The following PPP1R9A variants were observed in gnomAD, a reference collection of about 807,000 sequenced individuals.
The protein encoded by PPP1R9A is protein phosphatase 1 regulatory subunit 9A.
PPP1R9A carries 59 observed loss-of-function variants against 141.9 expected under a neutral mutation model. The ratio of observed to expected loss-of-function variants is 0.42; its 90% confidence interval spans 0.34 to 0.52. The LOEUF is 0.52. PPP1R9A is among the 20% of genes least tolerant of loss of function. The pLI, the probability that PPP1R9A is intolerant of heterozygous loss-of-function variation, is 0.10. For synonymous variants in PPP1R9A, 500 were observed against 569.7 expected (o/e 0.88, Z 1.74); for missense variants, 1,444 against 1,611.9 (o/e 0.90, Z 1.78).
intron 5 of PPP1R9A, among the ~76,000 whole-genome samples, chr7:95,186,333 C>G (rs2152814216): frequency 6.6e-6 from 1 of 152,168 alleles, no homozygotes; most frequent in South Asian, 2.1e-4. Flanking sequence ...TATTGGTGTA[C>G]AGCAGTGCTA....
At position 94,939,817 on chromosome 7, in the gene PPP1R9A, T is replaced by TACACAC. The variant is rs4014722; in HGVS notation, c.1395+28336_1395+28341dup. Among the ~76,000 whole-genome samples the TACACAC allele has an allele frequency of 9.7e-3, 1,408 of 145,284 alleles. 19 individuals carry two copies. The highest frequency in any genetic ancestry group is 0.031 in the East Asian group (152 of 4,948). ...ATGTATACATACATGTATATATGTG[T>TACACAC]ACACACACACACACACACACACACA... is the stretch of plus-strand genomic sequence containing the variant. On this transcript the variant is annotated intron_variant, in intron 2 of 19. Coordinates refer to ENST00000433360, the MANE Select transcript of PPP1R9A (RefSeq NM_001166160.2).
chr7:94,970,562 CA>C (rs1289757327), intron 2 of PPP1R9A, among the ~76,000 whole-genome samples: 2 of 152,012 alleles, frequency 1.3e-5, no homozygotes, highest in Non-Finnish European at 2.9e-5. Context: ...AGAAATCACC[CA>C]TCTTCTGTGT....
Position 95,269,488 on chromosome 7 carries a change from G to T in PPP1R9A, c.3105G>T (p.Lys1035Asn). ...ESPCHHQTTN[K>N]KILREKDDAK... is the part of the protein sequence containing the mutation. ...CTTGCCATCACCAAACCACCAACAA[G>T]AAAATATTACGAGAAAAAGGTATTG... The change falls in exon 14 of 20, where the codon AAG becomes AAT. Residue 1035 changes from lysine (K) to asparagine (N), a missense_variant. Physicochemically the swap from Lys to Asn is moderately conservative, Grantham distance 94. Coordinates refer to ENST00000433360, the MANE Select transcript of PPP1R9A (RefSeq NM_001166160.2). The T allele has an allele frequency of 1.9e-6, 3 of 1,575,584 alleles. No homozygotes were observed. The highest frequency in any genetic ancestry group is 2.2e-5 in the East Asian group (1 of 44,658).
intron 7 of PPP1R9A, among the ~76,000 whole-genome samples, chr7:95,224,649 G>A (rs759141422): frequency 2.6e-5 from 4 of 152,072 alleles, no homozygotes; most frequent in Non-Finnish European, 5.9e-5. Flanking sequence ...TGGTCTTTCA[G>A]ACATTGGGAA....
At chr7:95,243,958 A>G (rs1194137735) in intron 8 of PPP1R9A, among the ~76,000 whole-genome samples, 1 of 152,178 alleles carries the variant, frequency 6.6e-6, no homozygotes, top group Non-Finnish European at 1.5e-5. Flanking sequence ...TCCATACTAT[A>G]TAAAACAAAA....
chr7:95,290,660 A>G lies in PPP1R9A; in HGVS notation c.*357A>G. ...GAGCATGACACACCCTGGTGTTGTT[A>G]ATGGAGCGCCGTGAATTTTCAGTGT... On this transcript the variant is annotated 3_prime_UTR_variant, in exon 20 of 20. Transcript: ENST00000433360. 4.5e-6 allele frequency: 1 copy of G among 224,170 alleles called. No individual in the cohort carries two copies. The highest frequency in any genetic ancestry group is 9.0e-6 in the Non-Finnish European group (1 of 111,442). The allele number at this position is 224,170 out of a possible 1,614,324, so 13.9% of individuals were successfully genotyped here.
intron 2 of PPP1R9A, among the ~76,000 whole-genome samples, chr7:95,095,786 C>T (rs564854850): frequency 6.6e-6 from 1 of 152,320 alleles, no homozygotes; most frequent in African/African-American, 2.4e-5. Context: ...GGTTTACAAG[C>T]TCAGCCTTGT....
intron 7 of PPP1R9A, among the ~76,000 whole-genome samples, chr7:95,217,974 G>T (rs1409965697): frequency 2.0e-5 from 3 of 152,106 alleles, no homozygotes; most frequent in African/African-American, 7.2e-5. Flanking sequence ...ATCTCCTTCA[G>T]TTCCACTCTG....
intron 2 of PPP1R9A, among the ~76,000 whole-genome samples, chr7:95,006,217 T>C (rs1472035758): frequency 1.3e-5 from 2 of 151,286 alleles, no homozygotes; most frequent in African/African-American, 4.9e-5. Context: ...TATTTATTTA[T>C]TTATTTATTT....
At chr7:95,113,487 T>G (rs1475527019) in intron 3 of PPP1R9A, among the ~76,000 whole-genome samples, 1 of 152,058 alleles carries the variant, frequency 6.6e-6, no homozygotes, top group Non-Finnish European at 1.5e-5. Context: ...ATCCTAATAT[T>G]CAAAGATAAA....
chr7:95,157,667 C>G (rs2152694135), intron 4 of PPP1R9A, among the ~76,000 whole-genome samples: 1 of 152,316 alleles, frequency 6.6e-6, no homozygotes, highest in Non-Finnish European at 1.5e-5. Flanking sequence ...AACAGTGAAT[C>G]AAATAAGTAA....
chr7:95,275,403 CAAAAAAA>C (rs10708689), intron 16 of PPP1R9A, among the ~76,000 whole-genome samples: 1 of 96,924 alleles, frequency 1.0e-5, no homozygotes, highest in Non-Finnish European at 2.1e-5. Flanking sequence ...GACTCCGTCT[CAAAAAAA>C]AAAAAAAAAA....
intron 4 of PPP1R9A, among the ~76,000 whole-genome samples, chr7:95,145,790 G>C (rs1827501676): frequency 6.6e-6 from 1 of 152,096 alleles, no homozygotes; most frequent in Non-Finnish European, 1.5e-5. Context: ...TGAGAATGAT[G>C]GTTTACAGCT....
intron 2 of PPP1R9A, among the ~76,000 whole-genome samples, chr7:94,995,365 T>A (rs902140198): frequency 6.6e-6 from 1 of 152,044 alleles, no homozygotes; most frequent in African/African-American, 2.4e-5. Flanking sequence ...CTTGGAAAAA[T>A]TTGGCCATTT....
chr7:95,182,387 A>G (rs1040371079), intron 5 of PPP1R9A, among the ~76,000 whole-genome samples: 10 of 152,106 alleles, frequency 6.6e-5, no homozygotes, highest in Non-Finnish European at 1.5e-4. Context: ...TTTAATAGAT[A>G]TGCACGTTTA....
At chr7:95,106,159 T>C (rs915430767) in intron 2 of PPP1R9A, among the ~76,000 whole-genome samples, 6 of 152,156 alleles carry the variant, frequency 3.9e-5, no homozygotes, top group African/African-American at 7.2e-5. Flanking sequence ...TCAGGGGAAA[T>C]ATTATCCCTC....
chr7:95,289,964 A>C, intron 19 of PPP1R9A, 127 bp from the exon 20 acceptor site: 2 of 1,435,918 alleles, frequency 1.4e-6, no homozygotes, highest in Admixed American at 2.8e-5. Flanking sequence ...AAATGTAACT[A>C]GTTCTTCCTC....
chr7:95,281,392 T>C (rs1804200340), intron 16 of PPP1R9A, among the ~76,000 whole-genome samples: 1 of 152,238 alleles, frequency 6.6e-6, no homozygotes, highest in African/African-American at 2.4e-5. Flanking sequence ...TTACTTGGTG[T>C]GCAAAGCTAG....
chr7:94,933,734 G>A (rs1045571761), intron 2 of PPP1R9A, among the ~76,000 whole-genome samples: 1 of 152,052 alleles, frequency 6.6e-6, no homozygotes, highest in Non-Finnish European at 1.5e-5. Context: ...TCACTTTTTA[G>A]CAGTGGAAAC....
Sources: gnomAD v4.1 joint callset for allele counts (sites outside exome capture counted in the v4.1 genomes callset) on GRCh38, gnomAD v4.1.1 for gene constraint, MANE v1.5 for transcripts, NCBI Gene and HGNC (gene_info 2026-07-23, HGNC 2026-07-21) for gene names.